The following RSPH3 variants were observed in gnomAD, a reference collection of about 807,000 sequenced individuals.
The protein encoded by RSPH3 is radial spoke head 3.
In RSPH3, 21 loss-of-function variants were observed where a neutral mutation model predicts 43.8. That is an observed-to-expected ratio of 0.48 (90% CI 0.34 to 0.69). RSPH3 has a LOEUF of 0.69. RSPH3 is among the 30% of genes least tolerant of loss of function. The pLI is 0.01. For synonymous variants in RSPH3, 173 were observed against 179.8 expected, an observed-to-expected ratio of 0.96 and a Z score of 0.30; for missense variants, 487 against 516.0, an observed-to-expected ratio of 0.94 and a Z score of 0.54.
At chr6:158,969,791 C>T (rs948743607), downstream of RSPH3, among the ~76,000 whole-genome samples, 1 of 152,132 alleles carries the variant, frequency 6.6e-6, no homozygotes, top group Non-Finnish European at 1.5e-5. Context: ...CTATTAAGGC[C>T]CTGAAGAAAA....
At chr6:158,998,951 C>T (rs1778736807) in intron 1 of RSPH3, among the ~76,000 whole-genome samples, 1 of 152,128 alleles carries the variant, frequency 6.6e-6, no homozygotes, top group South Asian at 2.1e-4. Flanking sequence ...GAAGAATAAT[C>T]TTACTCCTGC....
At chr6:158,972,560 C>A (rs1777708220), downstream of RSPH3, among the ~76,000 whole-genome samples, 1 of 152,254 alleles carries the variant, frequency 6.6e-6, no homozygotes, top group African/African-American at 2.4e-5. Flanking sequence ...GTCAACCTTA[C>A]CTTAGGGTTT....
rs76734636 is a variant in RSPH3 at position 158,973,846 on chromosome 6, T to A, written c.*3692A>T. ...TTCTTTTTCTTTCTTTTTTTTTTTTTTGAGACGGAGTCTTGCTCTGTCACC... is the reference window on the plus strand; with the variant it reads ...TTCTTTTTCTTTCTTTTTTTTTTTTATGAGACGGAGTCTTGCTCTGTCACC... On this transcript the variant is annotated 3_prime_UTR_variant, in exon 8 of 8. Transcript: ENST00000367069. The A allele has an allele frequency of 6.6e-6, 1 of 152,064 alleles. No individual in the cohort carries two copies. Among genetic ancestry groups the A allele is most frequent in the African/African-American group, 2.4e-5 (1 of 41,438 alleles). 9.4% of individuals were successfully genotyped at this position (152,064 alleles called of 1,614,324 possible). A position where few individuals can be genotyped will look rare whatever the true frequency, so the allele number is the denominator to read the frequency against.
rs767518939 is a variant in RSPH3 at position 158,989,087 on chromosome 6, C to T, written c.205-2666G>A. Reference sequence around the variant, plus strand: ...TTTGAGACAGAGTCTCGCTCTGTCACCCTGGCTGGAGTGCAGTGGTGTGAT... The same window carrying T: ...TTTGAGACAGAGTCTCGCTCTGTCATCCTGGCTGGAGTGCAGTGGTGTGAT... On this transcript the variant is annotated intron_variant, in intron 2 of 7. Coordinates refer to ENST00000367069, the MANE Select transcript of RSPH3 (RefSeq NM_031924.8). This position sits in a 1 kb window ranked among gnomAD's most constrained non-coding sequence, Gnocchi z 4.3. 1.3e-5 allele frequency among the ~76,000 whole-genome samples: 2 copies of T among 149,098 alleles called. No homozygotes were observed. Among genetic ancestry groups the T allele is most frequent in the Non-Finnish European group, 3.0e-5 (2 of 67,704 alleles).
chr6:158,986,444 C>G lies in RSPH3; in HGVS notation c.205-23G>C, dbSNP rs761367848. The G allele has an allele frequency of 1.9e-6, 3 of 1,589,304 alleles. No homozygotes were observed. The South Asian group carries it at 3.4e-5, about 18-fold the overall frequency. On this transcript the variant is annotated intron_variant, in intron 2 of 7. Transcript: ENST00000367069. Reference sequence around the variant, plus strand: ...GAGCTAACAGTGATAGAAAATACTTCTAGAATTTAGAAAATATTTATTAAA... The same window carrying G: ...GAGCTAACAGTGATAGAAAATACTTGTAGAATTTAGAAAATATTTATTAAA...
rs559061158 is a variant in RSPH3, at chr6:158,989,276, AC to A, written c.205-2856del. Reference sequence around the variant, plus strand: ...TGGTCAGGCTGGTCTCGAACTAATGACCTCAAGCGATCTGCCTGCCTTGGCC... The same window carrying A: ...TGGTCAGGCTGGTCTCGAACTAATGACTCAAGCGATCTGCCTGCCTTGGCC... On this transcript the variant is annotated intron_variant, in intron 2 of 7. Coordinates refer to ENST00000367069, the MANE Select transcript of RSPH3 (RefSeq NM_031924.8). This position sits in a 1 kb window ranked among gnomAD's most constrained non-coding sequence, Gnocchi z 4.3. 1.2e-3 allele frequency among the ~76,000 whole-genome samples: 179 copies of A among 152,120 alleles called. No homozygotes were observed. The highest frequency in any genetic ancestry group is 2.3e-3 in the Non-Finnish European group (154 of 67,998).
Position 158,974,409 on chromosome 6 carries a change from G to A in RSPH3, c.*3129C>T, listed in dbSNP as rs921724499. The A allele has an allele frequency of 2.0e-5, 3 of 152,168 alleles. No homozygotes were observed. Among genetic ancestry groups the A allele is most frequent in the African/African-American group, 7.2e-5 (3 of 41,456 alleles). The allele number at this position is 152,168 out of a possible 1,614,324, so 9.4% of individuals were successfully genotyped here. On this transcript the variant is annotated 3_prime_UTR_variant, in exon 8 of 8. Coordinates refer to ENST00000367069, the MANE Select transcript of RSPH3 (RefSeq NM_031924.8). ...ACCCATTTTCTTCTATGCTGGAAGA[G>A]TTTTATGTTCCCAAACCATTTGCAA...
chr6:158,982,769 C>T (rs775600109), intron 4 of RSPH3, 81 bp from the exon 5 acceptor site: 4 of 888,300 alleles, frequency 4.5e-6, no homozygotes, highest in South Asian at 3.1e-5. Flanking sequence ...ATAGCAATAA[C>T]AAGATATTAT....
rs750176051 is a variant in RSPH3 at position 158,999,923 on chromosome 6, G to T, written c.-373C>A. The T allele has an allele frequency of 4.3e-6, 7 of 1,611,774 alleles. No homozygotes were observed. The South Asian group carries it at 6.6e-5, about 15-fold the overall frequency. On this transcript the variant is annotated 5_prime_UTR_variant, in exon 1 of 8. Transcript: ENST00000367069. Reference sequence around the variant, plus strand: ...CCGCGCCACCCAGGTAGGTGCGCCTGCGCTTTGCGAGGTTCCTGGCTAGGG... The same window carrying T: ...CCGCGCCACCCAGGTAGGTGCGCCTTCGCTTTGCGAGGTTCCTGGCTAGGG...
Position 158,980,870 on chromosome 6 carries a change from C to T in RSPH3, c.763G>A (p.Ala255Thr), listed in dbSNP as rs376531718. 5.7e-5 allele frequency: 92 copies of T among 1,614,110 alleles called. No homozygotes were observed. The highest frequency in any genetic ancestry group is 1.8e-4 in the Admixed American group (11 of 60,014). Residue 255 changes from alanine (A) to threonine (T), a missense_variant, in exon 6 of 8, where the codon GCC becomes ACC. Coordinates refer to ENST00000367069, the MANE Select transcript of RSPH3 (RefSeq NM_031924.8). ...KHNETSQKIA[A>T]RAFAQRYLAD... The stretch of plus-strand genomic sequence containing the variant: ...AGGTAACGCTGTGCAAATGCTCGGG[C>T]GGCGATTTTTTGTGATGTCTCGTTG...
chr6:158,971,435 G>T (rs918391621), downstream of RSPH3, among the ~76,000 whole-genome samples: 3 of 152,122 alleles, frequency 2.0e-5, no homozygotes, highest in African/African-American at 7.2e-5. Context: ...CATTCCAGAG[G>T]TGCTTTGTCC....
chr6:158,994,055 C>T (rs1778509192), intron 1 of RSPH3, 129 bp from the exon 2 acceptor site: 1 of 543,156 alleles, frequency 1.8e-6, no homozygotes, highest in Admixed American at 3.4e-5. Context: ...TTAGTGTGGT[C>T]CATAAAATAA....
In RSPH3 at chr6:158,986,264, G is replaced by C; in HGVS notation, c.346+16C>G. The C allele has an allele frequency of 6.2e-7, 1 of 1,610,578 alleles. No homozygotes were observed. The highest frequency in any genetic ancestry group is 8.5e-7 in the Non-Finnish European group (1 of 1,178,650). On this transcript the variant is annotated intron_variant, in intron 3 of 7. Transcript: ENST00000367069. Reference sequence around the variant, plus strand: ...GTAAACCAAGAGGACACAATGCCAAGGGCACAGTCACACACCTGTTTGCAC... The same window carrying C: ...GTAAACCAAGAGGACACAATGCCAACGGCACAGTCACACACCTGTTTGCAC...
At chr6:158,984,767 C>T (rs1562562356) in intron 3 of RSPH3, among the ~76,000 whole-genome samples, 2 of 151,896 alleles carry the variant, frequency 1.3e-5, no homozygotes. Flanking sequence ...ACCTGTCACA[C>T]AGAATCTTTG....
the RSPH3 span, among the ~76,000 whole-genome samples, chr6:158,963,556 CTTTT>C: frequency 2.2e-5 from 3 of 135,044 alleles, no homozygotes; most frequent in East Asian, 5.0e-4. Flanking sequence ...TCCCTTCTTT[CTTTT>C]CTTTCTTTCT....
rs750752244 is a variant in RSPH3, at chr6:158,983,648, A to C, written c.492+14T>G. The C allele has an allele frequency of 6.2e-7, 1 of 1,605,474 alleles. No individual in the cohort carries two copies. The highest frequency in any genetic ancestry group is 1.1e-5 in the South Asian group (1 of 90,874). ...ATAAAGATTATAGAGGGAAGCCCAA[A>C]GGATGTACTGTACCTCTCCTTCTAG... On this transcript the variant is annotated intron_variant, in intron 4 of 7. Coordinates refer to ENST00000367069, the MANE Select transcript of RSPH3 (RefSeq NM_031924.8).
the RSPH3 span, among the ~76,000 whole-genome samples, chr6:158,966,346 G>C: frequency 6.6e-6 from 1 of 152,154 alleles, no homozygotes. Flanking sequence ...TGGTCTCACA[G>C]AATGAGGTGG....
chr6:158,992,806 C>G (rs1029533486), intron 2 of RSPH3, among the ~76,000 whole-genome samples: 2 of 152,162 alleles, frequency 1.3e-5, no homozygotes, highest in African/African-American at 2.4e-5. Flanking sequence ...ACTCACCACC[C>G]TTAATATCAT....
rs944812338 is a variant in RSPH3 at position 158,989,350 on chromosome 6, G to C, written c.205-2929C>G. 6.6e-6 allele frequency among the ~76,000 whole-genome samples: 1 copy of C among 152,080 alleles called. No individual in the cohort carries two copies. Among genetic ancestry groups the C allele is most frequent in the Non-Finnish European group, 1.5e-5 (1 of 67,992 alleles). On this transcript the variant is annotated intron_variant, in intron 2 of 7. Coordinates refer to ENST00000367069, the MANE Select transcript of RSPH3 (RefSeq NM_031924.8). This position sits in a 1 kb window ranked among gnomAD's most constrained non-coding sequence, Gnocchi z 4.3. ...GCATGAGACACTGCGCCCCGACAGA[G>C]ATCCTTTATCACTAGATTGCTGCCT...
Sources: allele counts gnomAD v4.1 joint callset (sites outside exome capture counted in the v4.1 genomes callset), GRCh38; gene constraint gnomAD v4.1.1; non-coding constraint Gnocchi (gnomAD v3.1); transcripts MANE v1.5; gene names NCBI Gene and HGNC (gene_info 2026-07-23, HGNC 2026-07-21).